Variants in CFAP20DC observed in about 807,000 individuals in gnomAD.
CFAP20DC encodes the protein CFAP20 domain containing, also known as protein CFAP20DC.
A neutral mutation model predicts 101.7 loss-of-function variants in CFAP20DC; 84 were observed. The observed-to-expected ratio is 0.83, with a 90% CI of 0.69 to 0.99. The LOEUF is 0.99. Among genes scored for constraint, CFAP20DC ranks in the 50% least tolerant of loss-of-function variants. The probability of loss-of-function intolerance (pLI) is 0.00; values close to 1 mark genes in which losing one functional copy is unlikely to be tolerated. For missense variants in CFAP20DC, 1,007 were observed against 970.3 expected (o/e 1.04, Z -0.50); for synonymous variants, 359 against 351.2 (o/e 1.02, Z -0.25).
rs1296367619 is a variant in CFAP20DC, at chr3:58,859,330, T to G, written c.1593+4228A>C. On this transcript the variant is annotated intron_variant, in intron 12 of 16. Coordinates refer to ENST00000482387, the MANE Select transcript of CFAP20DC (RefSeq NM_001394063.1). The surrounding 1 kb of genome is among the most constrained non-coding windows in gnomAD (Gnocchi z 4.1). ...TCATATGAATATTTTGGCAAAGTGA[T>G]TAGGCTTTTCTAATTTTTCAAGGCA... 6.6e-6 allele frequency among the ~76,000 whole-genome samples: 1 copy of G among 152,192 alleles called. No individual in the cohort carries two copies. Among genetic ancestry groups the G allele is most frequent in the Admixed American group, 6.5e-5 (1 of 15,284 alleles).
At chr3:58,753,964 C>A (rs540992749) in intron 15 of CFAP20DC, 101 bp from the exon 16 acceptor site, 1 of 699,898 alleles carries the variant, frequency 1.4e-6, no homozygotes, top group African/African-American at 1.8e-5. Flanking sequence ...AAAAGAAACA[C>A]TTTTTTTCCT....
downstream of CFAP20DC, among the ~76,000 whole-genome samples, chr3:58,716,777 T>G (rs1198600319): frequency 3.3e-5 from 5 of 152,252 alleles, no homozygotes; most frequent in East Asian, 9.7e-4. Context: ...AACTCCCTAC[T>G]GGGGATCCTC....
chr3:58,947,667 A>T (rs2089536617), intron 4 of CFAP20DC, among the ~76,000 whole-genome samples: 1 of 152,218 alleles, frequency 6.6e-6, no homozygotes, highest in Admixed American at 6.5e-5. Flanking sequence ...CCTTAGAGAT[A>T]TCTCATATAC....
chr3:58,902,610 T>C (rs2083245039), intron 6 of CFAP20DC, among the ~76,000 whole-genome samples: 2 of 152,226 alleles, frequency 1.3e-5, no homozygotes, highest in African/African-American at 4.8e-5. Flanking sequence ...TGATTATTTT[T>C]AAATTGAGTT....
intron 12 of CFAP20DC, chr3:58,862,430 T>C (rs2079327144): frequency 3.0e-6 from 3 of 985,360 alleles, no homozygotes; most frequent in Non-Finnish European, 3.6e-6. Context: ...AAATGCACTA[T>C]TTATGTATAA....
chr3:59,048,592 G>A (rs1456650438), intron 1 of CFAP20DC, among the ~76,000 whole-genome samples: 2 of 152,132 alleles, frequency 1.3e-5, no homozygotes, highest in African/African-American at 2.4e-5. Flanking sequence ...TATAAGAAGT[G>A]AGACAAACTC....
chr3:58,958,045 C>G (rs909681715), intron 4 of CFAP20DC, among the ~76,000 whole-genome samples: 3 of 151,938 alleles, frequency 2.0e-5, no homozygotes, highest in Non-Finnish European at 4.4e-5. Flanking sequence ...GATAAATAAC[C>G]TAGTTTCCAT....
intron 13 of CFAP20DC, among the ~76,000 whole-genome samples, chr3:58,842,313 G>C (rs566018253): frequency 2.1e-3 from 322 of 152,294 alleles, no homozygotes; most frequent in Non-Finnish European, 3.5e-3. Context: ...TGCGCGCACC[G>C]TGCGCGAGCT....
In CFAP20DC at chr3:59,047,255, C is replaced by G. The variant is rs983519639; in HGVS notation, c.22-1G>C. The stretch of plus-strand genomic sequence containing the variant: ...TGAAAATTTCAACAAATGCACCTCC[C>G]TAGAAAATGAAAATAAAATATTAAA... On this transcript the variant is annotated splice_acceptor_variant, in intron 1 of 16. Transcript: ENST00000482387. LOFTEE classifies it high-confidence loss of function. 1.3e-6 allele frequency: 2 copies of G among 1,525,650 alleles called. No homozygotes were observed. Among genetic ancestry groups the G allele is most frequent in the African/African-American group, 2.7e-5 (2 of 72,758 alleles). 94.5% of individuals were successfully genotyped at this position (1,525,650 alleles called of 1,614,324 possible). A position where few individuals can be genotyped will look rare whatever the true frequency, so the allele number is the denominator to read the frequency against.
intron 15 of CFAP20DC, among the ~76,000 whole-genome samples, chr3:58,767,092 T>C (rs1277359517): frequency 2.0e-5 from 3 of 152,206 alleles, no homozygotes; most frequent in Admixed American, 6.5e-5. Flanking sequence ...TGGCACACAG[T>C]AGCTGCTCCC....
rs1411117415 is a variant in CFAP20DC, at chr3:58,897,862, T to C, written c.551-13153A>G. Among the ~76,000 whole-genome samples the C allele has an allele frequency of 3.9e-5, 6 of 152,200 alleles. No individual in the cohort carries two copies. Among genetic ancestry groups the C allele is most frequent in the Admixed American group, 6.5e-5 (1 of 15,286 alleles). On this transcript the variant is annotated intron_variant, in intron 6 of 16. Transcript: ENST00000482387. The surrounding 1 kb of genome is among the most constrained non-coding windows in gnomAD (Gnocchi z 4.4). ...AATCTGACGATTATGTGCCTTGGCA[T>C]TGATCGTCTCATGGAGTATCTTATT...
At chr3:58,979,804 C>A (rs554937766) in intron 4 of CFAP20DC, among the ~76,000 whole-genome samples, 2 of 151,092 alleles carry the variant, frequency 1.3e-5, no homozygotes, top group African/African-American at 4.9e-5. Flanking sequence ...ATGTTTTGTC[C>A]TTGTTTCTTT....
At chr3:58,890,446 C>T (rs956927385) in intron 6 of CFAP20DC, among the ~76,000 whole-genome samples, 1 of 145,624 alleles carries the variant, frequency 6.9e-6, no homozygotes, top group Non-Finnish European at 1.5e-5. Flanking sequence ...GCTGACCCCC[C>T]CCACGTCCCT....
rs1402531045 is a variant in CFAP20DC, at chr3:59,007,366, C to T, written c.278+32191G>A. Among the ~76,000 whole-genome samples, 1 of 152,170 alleles carries T rather than the reference C, an allele frequency of 6.6e-6. No homozygotes were observed. The highest frequency in any genetic ancestry group is 1.5e-5 in the Non-Finnish European group (1 of 68,040). ...GGCCAACTTAAGAGTAAGCTTAGAT[C>T]TCCCTTCTACTACTGCAGCTGGCGC... On this transcript the variant is annotated intron_variant, in intron 4 of 16. Coordinates refer to ENST00000482387, the MANE Select transcript of CFAP20DC (RefSeq NM_001394063.1). This position sits in a 1 kb window ranked among gnomAD's most constrained non-coding sequence, Gnocchi z 4.4.
At chr3:58,760,464 A>G (rs984572440) in intron 15 of CFAP20DC, among the ~76,000 whole-genome samples, 2 of 152,144 alleles carry the variant, frequency 1.3e-5, no homozygotes, top group African/African-American at 4.8e-5. Context: ...TAGATATACA[A>G]TCATGTCATC....
At chr3:58,772,838 GA>G (rs552948988) in intron 15 of CFAP20DC, among the ~76,000 whole-genome samples, 2 of 151,968 alleles carry the variant, frequency 1.3e-5, no homozygotes, top group African/African-American at 4.8e-5. Context: ...TTTTTATATA[GA>G]AAAAATATAT....
At position 59,006,450 on chromosome 3, in the gene CFAP20DC, G is replaced by C. The variant is rs981351620; in HGVS notation, c.278+33107C>G. 1.5e-4 allele frequency among the ~76,000 whole-genome samples: 23 copies of C among 152,206 alleles called. 1 individual carries two copies. The highest frequency in any genetic ancestry group is 5.3e-4 in the African/African-American group (22 of 41,452). On this transcript the variant is annotated intron_variant, in intron 4 of 16. Coordinates refer to ENST00000482387, the MANE Select transcript of CFAP20DC (RefSeq NM_001394063.1). This position sits in a 1 kb window ranked among gnomAD's most constrained non-coding sequence, Gnocchi z 4.3. ...GATCCTTTGAAAGAAGCAGCATGCT[G>C]CTGCAAATTCTGCGAGACAGGCAAA...
chr3:58,952,641 G>T (rs1269380250), intron 4 of CFAP20DC, among the ~76,000 whole-genome samples: 11 of 152,000 alleles, frequency 7.2e-5, no homozygotes, highest in Non-Finnish European at 1.5e-4. Context: ...AATGGGTGGG[G>T]TTGCAGGCTA....
At chr3:58,725,452 T>G (rs1298546919) in intron 3 of CFAP20DC, among the ~76,000 whole-genome samples, 1 of 152,208 alleles carries the variant, frequency 6.6e-6, no homozygotes, top group Non-Finnish European at 1.5e-5. Context: ...CTCCTCGCTA[T>G]CACAGTGACT....
Sources: gnomAD v4.1 joint callset for allele counts (sites outside exome capture counted in the v4.1 genomes callset) on GRCh38, gnomAD v4.1.1 for gene constraint, Gnocchi (gnomAD v3.1) non-coding constraint, MANE v1.5 for transcripts, NCBI Gene and HGNC (gene_info 2026-07-23, HGNC 2026-07-21) for gene names.